The following TNPO3 variants were observed in gnomAD, a reference collection of about 807,000 sequenced individuals.
TNPO3 encodes transportin 3, also known as transportin-3.
TNPO3 carries 65 observed loss-of-function variants against 122.8 expected under a neutral mutation model. The ratio of observed to expected loss-of-function variants is 0.53; its 90% CI spans 0.43 to 0.65. The LOEUF is 0.65. Ranked by LOEUF, TNPO3 falls within the 30% of genes least tolerant of loss-of-function variation. The pLI, the probability that TNPO3 is intolerant of heterozygous loss-of-function variation, is 0.00. For missense variants in TNPO3, 850 were observed against 1,136.7 expected (o/e 0.75, Z 3.63); for synonymous variants, 372 against 411.2 (o/e 0.90, Z 1.15).
chr7:128,957,134 C>T (rs1796977254), intron 22 of TNPO3, 90 bp downstream of exon 22: 1 of 1,088,310 alleles, frequency 9.2e-7, no homozygotes, highest in Admixed American at 1.8e-5. Flanking sequence ...TAAGACTGGT[C>T]CCATGATAGG....
At chr7:129,006,015 T>C (rs74648457) in intron 4 of TNPO3, among the ~76,000 whole-genome samples, 2 of 152,110 alleles carry the variant, frequency 1.3e-5, no homozygotes, top group African/African-American at 2.4e-5. Context: ...ACTCCTGACC[T>C]CAGGCAATCC....
chr7:128,958,137 CTTTTTTT>C (rs55683535), intron 21 of TNPO3, among the ~76,000 whole-genome samples: 5,479 of 96,178 alleles, frequency 0.057, 186 homozygotes, highest in Middle Eastern at 0.2. Context: ...GAAGCACTTC[CTTTTTTT>C]TTTTTTTTTT....
intron 1 of TNPO3, among the ~76,000 whole-genome samples, chr7:129,021,226 G>C (rs1251421677): frequency 6.6e-6 from 1 of 152,074 alleles, no homozygotes; most frequent in Admixed American, 6.5e-5. Flanking sequence ...ATGTTGGCGG[G>C]TGCCTGTAAT....
chr7:129,002,053 A>G (rs1695465739), intron 5 of TNPO3, among the ~76,000 whole-genome samples: 1 of 152,244 alleles, frequency 6.6e-6, no homozygotes. Flanking sequence ...AATAGTAAGG[A>G]GCAGAATTCA....
At chr7:129,023,307 C>T (rs1021189314) in intron 1 of TNPO3, among the ~76,000 whole-genome samples, 1 of 151,918 alleles carries the variant, frequency 6.6e-6, no homozygotes, top group African/African-American at 2.4e-5. Context: ...AGTATTTATA[C>T]CCACTATTTA....
At chr7:129,008,105 C>T (rs1170621993) in intron 4 of TNPO3, among the ~76,000 whole-genome samples, 4 of 151,396 alleles carry the variant, frequency 2.6e-5, no homozygotes, top group Admixed American at 6.6e-5. Context: ...GCTGAGATTG[C>T]GCCATGGTAC....
rs955217915 is a variant in TNPO3, at chr7:128,974,850, C to G, written c.2273+18G>C. 6.2e-7 allele frequency: 1 copy of G among 1,600,884 alleles called. No homozygotes were observed. Among genetic ancestry groups the G allele is most frequent in the Admixed American group, 1.7e-5 (1 of 59,920 alleles). ...ATAGGATGAGCAATTAAGAAATGGG[C>G]TCTTCAGAAGGATTTACCTGGTGGC... On this transcript the variant is annotated intron_variant, in intron 18 of 22. Coordinates refer to ENST00000265388, the MANE Select transcript of TNPO3 (RefSeq NM_012470.4).
intron 16 of TNPO3, among the ~76,000 whole-genome samples, chr7:128,976,920 T>C (rs1799117323): frequency 6.6e-6 from 1 of 152,252 alleles, no homozygotes; most frequent in Admixed American, 6.5e-5. Context: ...AGTCAAGGGT[T>C]GCCAAACATT....
intron 7 of TNPO3, among the ~76,000 whole-genome samples, chr7:128,998,741 C>G (rs1801607357): frequency 1.3e-5 from 2 of 152,106 alleles, no homozygotes; most frequent in Admixed American, 1.3e-4. Context: ...CCAGGCTGGT[C>G]TCGAACTCAT....
chr7:129,041,040 CT>C (rs1807317496), intron 1 of TNPO3, among the ~76,000 whole-genome samples: 1 of 152,176 alleles, frequency 6.6e-6, no homozygotes, highest in Admixed American at 6.5e-5. Context: ...ATAATTATCA[CT>C]TTATTTTGAA....
chr7:129,044,555 C>A (rs1218187081), intron 1 of TNPO3, among the ~76,000 whole-genome samples: 2 of 152,144 alleles, frequency 1.3e-5, no homozygotes, highest in African/African-American at 4.8e-5. Flanking sequence ...ATGTACATAA[C>A]AAACACTACA....
chr7:128,977,742 G>A (rs570106429), intron 16 of TNPO3, among the ~76,000 whole-genome samples: 2 of 152,140 alleles, frequency 1.3e-5, no homozygotes, highest in Non-Finnish European at 2.9e-5. Context: ...GACTACAGGC[G>A]CCTGCCACTG....
At chr7:129,054,480 T>C (rs1809227914) in intron 1 of TNPO3, among the ~76,000 whole-genome samples, 171 bp downstream of exon 1, 1 of 152,132 alleles carries the variant, frequency 6.6e-6, no homozygotes, top group Non-Finnish European at 1.5e-5. Context: ...CAGGTGCGAC[T>C]AGTTTCCCAA....
chr7:128,988,244 G>A (rs1800377670), intron 11 of TNPO3, among the ~76,000 whole-genome samples: 1 of 152,168 alleles, frequency 6.6e-6, no homozygotes, highest in Admixed American at 6.5e-5. Flanking sequence ...CCAAAGTGCT[G>A]GGATTACAGG....
chr7:128,964,961 G>A (rs937357464), intron 21 of TNPO3, among the ~76,000 whole-genome samples: 1 of 152,112 alleles, frequency 6.6e-6, no homozygotes. Flanking sequence ...TCAAAGACCT[G>A]ATATAAGACC....
intron 1 of TNPO3, among the ~76,000 whole-genome samples, chr7:129,022,380 G>A (rs182905261): frequency 7.7e-4 from 116 of 151,608 alleles, no homozygotes; most frequent in Non-Finnish European, 1.3e-3. Context: ...TGGTATCAAA[G>A]TTATCAAAAG....
intron 20 of TNPO3, among the ~76,000 whole-genome samples, chr7:128,968,014 G>T (rs551477318): frequency 1.2e-4 from 18 of 152,198 alleles, no homozygotes; most frequent in African/African-American, 4.1e-4. Flanking sequence ...CAAAGTGCTG[G>T]AACTACAGGT....
At chr7:129,051,880 G>C (rs201100611) in intron 1 of TNPO3, among the ~76,000 whole-genome samples, 4 of 152,178 alleles carry the variant, frequency 2.6e-5, no homozygotes, top group Non-Finnish European at 4.4e-5. Flanking sequence ...CTGACCTCAA[G>C]CGATCCGCCC....
intron 21 of TNPO3, among the ~76,000 whole-genome samples, chr7:128,965,123 G>T (rs186542929): frequency 2.6e-5 from 4 of 152,130 alleles, no homozygotes; most frequent in African/African-American, 9.6e-5. Context: ...GTGCATCAAG[G>T]GACACAATCA....
Sources: gnomAD v4.1 joint callset for allele counts (sites outside exome capture counted in the v4.1 genomes callset) on GRCh38, gnomAD v4.1.1 for gene constraint, MANE v1.5 for transcripts, NCBI Gene and HGNC (gene_info 2026-07-23, HGNC 2026-07-21) for gene names.